Variants in HSP90AA1 observed in about 807,000 individuals in gnomAD.
HSP90AA1 encodes heat shock protein HSP 90-alpha.
In HSP90AA1, 18 loss-of-function variants were observed where a neutral mutation model predicts 73.3. The ratio of observed to expected loss-of-function variants is 0.25; its 90% CI spans 0.17 to 0.36. The LOEUF is 0.36. Ranked by LOEUF, HSP90AA1 falls within the 10% of genes least tolerant of loss-of-function variation. The pLI is 1.00. For missense variants in HSP90AA1, 704 were observed against 874.2 expected (o/e 0.81, Z 2.45); for synonymous variants, 477 against 296.9 (o/e 1.61, Z -6.24).
At position 102,128,905 on chromosome 14, in the gene HSP90AA1, A is replaced by G. The variant is rs1222172404; in HGVS notation, c.155+10345T>C. Reference sequence around the variant, plus strand: ...AGAAGGGAGGTATAAGTTGGAAGGTAAGAAATGAGAAAGGTTTATGCCTTA... The same window carrying G: ...AGAAGGGAGGTATAAGTTGGAAGGTGAGAAATGAGAAAGGTTTATGCCTTA... On this transcript the variant is annotated intron_variant, in intron 1 of 11. Coordinates refer to the HSP90AA1 transcript ENST00000334701. Among the ~76,000 whole-genome samples, 5 of 152,322 alleles carry G rather than the reference A, an allele frequency of 3.3e-5. No individual in the cohort carries two copies. In the South Asian group the frequency reaches 1.0e-3, roughly 32 times the overall value.
At chr14:102,139,310 T>C (rs778176242) in exon 1 of HSP90AA1, 3 of 1,613,748 alleles carry the variant, frequency 1.9e-6, no homozygotes, top group Admixed American at 3.3e-5. Flanking sequence ...ATCCAGACGG[T>C]CGCGCGGGTA....
chr14:102,138,013 G>A (rs1190588), intron 1 of HSP90AA1, among the ~76,000 whole-genome samples: 136,990 of 149,826 alleles, frequency 0.91, 62,598 homozygotes, highest in East Asian at 1. Context: ...CTCCATCTAA[G>A]AAAAAAAAAA....
upstream of HSP90AA1, among the ~76,000 whole-genome samples, chr14:102,091,754 G>A (rs1035834302): frequency 6.6e-6 from 1 of 152,012 alleles, no homozygotes; most frequent in African/African-American, 2.4e-5. Context: ...AGCCTCCTGA[G>A]GAGCTGGGAC....
At chr14:102,087,192 C>T, upstream of HSP90AA1, 1 of 981,278 alleles carries the variant, frequency 1.0e-6, no homozygotes, top group South Asian at 4.7e-5. Flanking sequence ...GCCGCGGCAC[C>T]CCGCCCCCGC....
At chr14:102,130,398 T>C (rs2049894373) in intron 1 of HSP90AA1, among the ~76,000 whole-genome samples, 1 of 152,226 alleles carries the variant, frequency 6.6e-6, no homozygotes, top group Admixed American at 6.5e-5. Context: ...TTTTCCTTCC[T>C]ATCTGCAGTA....
At chr14:102,097,292 AT>A (rs1405988047) in intron 2 of HSP90AA1, among the ~76,000 whole-genome samples, 1 of 149,502 alleles carries the variant, frequency 6.7e-6, no homozygotes, top group African/African-American at 2.4e-5. Context: ...AGCAAAAGCA[AT>A]TTTTTTTAAA....
intron 1 of HSP90AA1, 61 bp from the exon 2 acceptor site, chr14:102,086,439 T>C (rs2049236655): frequency 6.5e-7 from 1 of 1,534,380 alleles, no homozygotes; most frequent in South Asian, 1.1e-5. Context: ...AACACGAAAT[T>C]CCATCGCGTT....
chr14:102,134,812 G>C (rs891672067), intron 1 of HSP90AA1, among the ~76,000 whole-genome samples: 1 of 152,198 alleles, frequency 6.6e-6, no homozygotes, highest in African/African-American at 2.4e-5. Context: ...AGCTTCTACA[G>C]TGCGGAAGTG....
chr14:102,125,155 T>A (rs1006844152), intron 1 of HSP90AA1, among the ~76,000 whole-genome samples: 1 of 152,084 alleles, frequency 6.6e-6, no homozygotes, highest in African/African-American at 2.4e-5. Context: ...CCATATCTAG[T>A]TAATTTTTAT....
intron 1 of HSP90AA1, among the ~76,000 whole-genome samples, chr14:102,138,010 T>TAA (rs748502102): frequency 2.2e-5 from 3 of 137,222 alleles, no homozygotes; most frequent in Admixed American, 7.4e-5. Flanking sequence ...AGACTCCATC[T>TAA]AAGAAAAAAA....
intron 1 of HSP90AA1, among the ~76,000 whole-genome samples, chr14:102,136,509 C>T (rs148736937): frequency 0.017 from 2,163 of 124,860 alleles, 60 homozygotes; most frequent in African/African-American, 0.061. Flanking sequence ...GCAGAGGTTA[C>T]GGTGAGCCGA....
chr14:102,138,261 G>T (rs1212331552), intron 1 of HSP90AA1, among the ~76,000 whole-genome samples: 1 of 151,860 alleles, frequency 6.6e-6, no homozygotes, highest in Non-Finnish European at 1.5e-5. Context: ...TGATAATTAG[G>T]AAACACAGAT....
At chr14:102,084,214 T>G (rs1162597462) in intron 6 of HSP90AA1, 185 bp downstream of exon 6, 2 of 684,732 alleles carry the variant, frequency 2.9e-6, no homozygotes, top group South Asian at 1.8e-5. Flanking sequence ...ATGGGGCTAA[T>G]TTTTGTAATT....
intron 9 of HSP90AA1, 27 bp downstream of exon 9, chr14:102,083,007 T>C (rs941138107): frequency 6.2e-7 from 1 of 1,606,490 alleles, no homozygotes; most frequent in Admixed American, 1.7e-5. Flanking sequence ...GAAGTATCAA[T>C]GATCAGGAAA....
Position 102,104,927 on chromosome 14 carries a change from A to G in HSP90AA1, c.156-2842T>C, listed in dbSNP as rs538122988. Among the ~76,000 whole-genome samples, 6 of 151,646 alleles carry G rather than the reference A, an allele frequency of 4.0e-5. No individual in the cohort carries two copies. In the East Asian group the frequency reaches 9.8e-4, roughly 25 times the overall value. ...CAAGATTTCATTCTTGGCTTGGCGC[A>G]GTGGCTCACACCTGTAATCCCAGCA... On this transcript the variant is annotated intron_variant, in intron 1 of 11. Transcript: ENST00000334701.
chr14:102,088,040 C>T (rs2049292277), upstream of HSP90AA1, among the ~76,000 whole-genome samples: 1 of 150,840 alleles, frequency 6.6e-6, no homozygotes, highest in African/African-American at 2.4e-5. Flanking sequence ...TCGACCCTCC[C>T]GGGCTCAGGT....
chr14:102,081,869 G>A lies in HSP90AA1; in HGVS notation c.2090-48C>T, dbSNP rs56180359. 3.1e-3 allele frequency: 2,842 copies of A among 924,872 alleles called. 24 individuals are homozygous for A. The highest frequency in any genetic ancestry group is 0.012 in the South Asian group (898 of 77,274). 57.3% of individuals were successfully genotyped at this position (924,872 alleles called of 1,614,324 possible). A position where few individuals can be genotyped will look rare whatever the true frequency, so the allele number is the denominator to read the frequency against. On this transcript the variant is annotated intron_variant, in intron 10 of 10. Transcript: ENST00000216281. ...ATATTACAAAGATTTCTTAAAGCCA[G>A]CTATTAGGGTAATACTCTTGGTTTC... is the stretch of plus-strand genomic sequence containing the variant.
At chr14:102,086,457 T>C (rs2049237216) in intron 1 of HSP90AA1, 79 bp from the exon 2 acceptor site, 2 of 1,508,722 alleles carry the variant, frequency 1.3e-6, no homozygotes, top group Non-Finnish European at 1.8e-6. Flanking sequence ...GTTCTCCAAA[T>C]ATTTTTAAAG....
chr14:102,134,892 C>CTACCTAT (rs1215487755), intron 1 of HSP90AA1, among the ~76,000 whole-genome samples: 2 of 152,206 alleles, frequency 1.3e-5, no homozygotes, highest in African/African-American at 4.8e-5. Context: ...CCACCCACAT[C>CTACCTAT]CTGCTGATTG....
Sources: allele counts gnomAD v4.1 joint callset (sites outside exome capture counted in the v4.1 genomes callset), GRCh38; gene constraint gnomAD v4.1.1; transcripts MANE v1.5; gene names NCBI Gene and HGNC (gene_info 2026-07-23, HGNC 2026-07-21).